The following TTC27 variants were observed in gnomAD, a reference collection of about 807,000 sequenced individuals.
The protein encoded by TTC27 is tetratricopeptide repeat protein 27.
A neutral mutation model predicts 115.9 loss-of-function variants in TTC27; 79 were observed. That is an observed-to-expected ratio of 0.68 (90% CI 0.57 to 0.82). The LOEUF is 0.82. TTC27 is among the 40% of genes least tolerant of loss of function. The pLI, the probability that TTC27 is intolerant of heterozygous loss-of-function variation, is 0.00. For missense variants in TTC27, 1,054 were observed against 993.1 expected (o/e 1.06, Z -0.82); for synonymous variants, 401 against 356.0 (o/e 1.13, Z -1.42).
rs150408695 is a variant in TTC27 at position 32,746,527 on chromosome 2, C to T, written c.1452+9711C>T. On this transcript the variant is annotated intron_variant, in intron 12 of 19. Transcript: ENST00000317907. ...GCAGTGAGCTGAGATTGTACCATTG[C>T]ACTCCAGCCTTGGCAATAAGAGTGA... Among the ~76,000 whole-genome samples, 1,013 of 113,592 alleles carry T rather than the reference C, an allele frequency of 8.9e-3. 12 individuals carry two copies. The highest frequency in any genetic ancestry group is 0.031 in the African/African-American group (950 of 30,364). 74.5% of individuals were successfully genotyped at this position (113,592 alleles called of 152,430 possible). A position where few individuals can be genotyped will look rare whatever the true frequency, so the allele number is the denominator to read the frequency against.
chr2:32,681,701 C>T lies in TTC27; in HGVS notation c.1119+2779C>T, dbSNP rs191723320. On this transcript the variant is annotated intron_variant, in intron 9 of 19. Transcript: ENST00000317907. ...CTCAGTGTTAGATGATGTTTCCCAACTGTAGGCTAACGTATTTAAGGCAGG... is the reference window on the plus strand; with the variant it reads ...CTCAGTGTTAGATGATGTTTCCCAATTGTAGGCTAACGTATTTAAGGCAGG... Among the ~76,000 whole-genome samples, 13 of 146,086 alleles carry T rather than the reference C, an allele frequency of 8.9e-5. No individual in the cohort carries two copies. In the East Asian group the frequency reaches 2.4e-3, roughly 27 times the overall value.
At chr2:32,660,324 A>C (rs35631152) in intron 5 of TTC27, among the ~76,000 whole-genome samples, 1 of 152,010 alleles carries the variant, frequency 6.6e-6, no homozygotes, top group African/African-American at 2.4e-5. Flanking sequence ...TTGTTGAGAA[A>C]TGTCTGCTCA....
At chr2:32,819,366 G>T (rs1671607838) in intron 19 of TTC27, among the ~76,000 whole-genome samples, 1 of 152,088 alleles carries the variant, frequency 6.6e-6, no homozygotes, top group South Asian at 2.1e-4. Flanking sequence ...TTACCTCCCA[G>T]TGCCTCCTCT....
chr2:32,736,176 G>A (rs1437704500), intron 11 of TTC27, among the ~76,000 whole-genome samples: 2 of 151,772 alleles, frequency 1.3e-5, no homozygotes, highest in African/African-American at 2.4e-5. Context: ...TTTTTTATCT[G>A]CCAGGGACTG....
intron 13 of TTC27, among the ~76,000 whole-genome samples, chr2:32,767,889 T>TAGAAAAGAGTCA (rs1558334037): frequency 1.3e-5 from 2 of 152,304 alleles, no homozygotes; most frequent in South Asian, 4.1e-4. Context: ...TTGTGTCCCC[T>TAGAAAAGAGTCA]AGAAAAGAGT....
At chr2:32,778,229 G>A (rs1022096171) in intron 14 of TTC27, among the ~76,000 whole-genome samples, 3 of 152,142 alleles carry the variant, frequency 2.0e-5, no homozygotes, top group African/African-American at 7.2e-5. Context: ...GTATAGCAAA[G>A]TATCATATAT....
chr2:32,696,414 C>T (rs1028409049), intron 9 of TTC27, among the ~76,000 whole-genome samples: 1 of 151,812 alleles, frequency 6.6e-6, no homozygotes, highest in Admixed American at 6.6e-5. Flanking sequence ...CTCAGCCTCC[C>T]GGGTAGCTGG....
chr2:32,663,785 A>G (rs1467300538), intron 5 of TTC27, among the ~76,000 whole-genome samples: 2 of 152,004 alleles, frequency 1.3e-5, no homozygotes, highest in Non-Finnish European at 2.9e-5. Context: ...CTTGGGTTGA[A>G]GCGATTCTCC....
chr2:32,716,691 A>G (rs1667762684), intron 10 of TTC27, among the ~76,000 whole-genome samples: 1 of 151,422 alleles, frequency 6.6e-6, no homozygotes. Flanking sequence ...TTTGTTCTAT[A>G]TGTTTTTTTT....
chr2:32,644,482 C>A (rs1664774587), intron 4 of TTC27, among the ~76,000 whole-genome samples: 1 of 152,098 alleles, frequency 6.6e-6, no homozygotes, highest in Admixed American at 6.6e-5. Context: ...AGGCAAGTTA[C>A]CTTAATTTCT....
chr2:32,766,607 G>A, intron 13 of TTC27: 1 of 182,756 alleles, frequency 5.5e-6, no homozygotes. Flanking sequence ...AATTGCAATA[G>A]TAGCATCAAA....
At position 32,787,058 on chromosome 2, in the gene TTC27, T is replaced by C. The variant is rs763785757; in HGVS notation, c.1907T>C (p.Ile636Thr). Residue 636 changes from isoleucine to threonine, a missense_variant, in exon 16 of 20, where the codon ATC becomes ACC. Ile to Thr is a moderately conservative substitution (Grantham distance 89). Coordinates refer to ENST00000317907, the MANE Select transcript of TTC27 (RefSeq NM_017735.5). Reference sequence around the variant, plus strand: ...CACTGGCAGATTTGGGAAAACTACATCCTCACCAGCACTGACGTTGGGGAA... The same window carrying C: ...CACTGGCAGATTTGGGAAAACTACACCCTCACCAGCACTGACGTTGGGGAA... ...YEHWQIWENY[I>T]LTSTDVGEFS... 8.7e-6 allele frequency: 14 copies of C among 1,614,090 alleles called. No homozygotes were observed. The Admixed American group carries it at 1.8e-4, about 21-fold the overall frequency.
Position 32,672,254 on chromosome 2 carries a change from T to G in TTC27, c.940-18T>G. 1.3e-6 allele frequency: 2 copies of G among 1,587,124 alleles called. No individual in the cohort carries two copies. The highest frequency in any genetic ancestry group is 1.7e-6 in the Non-Finnish European group (2 of 1,158,548). ...AATTTAATTTTTGGTCTAAGTATTT[T>G]CTTTTGTATTCTACTAGAATCTTGA... is the stretch of plus-strand genomic sequence containing the variant. On this transcript the variant is annotated intron_variant, in intron 7 of 19. Transcript: ENST00000317907.
At chr2:32,803,064 C>T (rs952204738) in intron 16 of TTC27, among the ~76,000 whole-genome samples, 6 of 152,214 alleles carry the variant, frequency 3.9e-5, no homozygotes, top group African/African-American at 1.4e-4. Flanking sequence ...AACGTGTGAC[C>T]TTCCTGGTGA....
At chr2:32,810,211 G>A (rs1464868031) in intron 16 of TTC27, among the ~76,000 whole-genome samples, 2 of 152,088 alleles carry the variant, frequency 1.3e-5, no homozygotes, top group African/African-American at 4.8e-5. Flanking sequence ...TGCATTAACG[G>A]TTCATCATTT....
In TTC27 at chr2:32,650,178, G is replaced by A. The variant is rs1294899662; in HGVS notation, c.585G>A (p.Leu195=). The A allele has an allele frequency of 6.2e-7, 1 of 1,613,724 alleles. No individual in the cohort carries two copies. The highest frequency in any genetic ancestry group is 8.5e-7 in the Non-Finnish European group (1 of 1,179,878). Reference sequence around the variant, plus strand: ...GATGTGTGAATATTCATCAGCATTTGCTTGAGGAACGCTCACCTCTGCTTT... The same window carrying A: ...GATGTGTGAATATTCATCAGCATTTACTTGAGGAACGCTCACCTCTGCTTT... The part of the protein sequence containing the change: ...TLRCVNIHQH[L]LEERSPLLFT... The change falls in exon 5 of 20, where the codon TTG becomes TTA. Residue 195 remains leucine, a synonymous_variant. Coordinates refer to ENST00000317907, the MANE Select transcript of TTC27 (RefSeq NM_017735.5).
At chr2:32,811,658 G>A (rs1370118850) in intron 17 of TTC27, among the ~76,000 whole-genome samples, 1 of 152,192 alleles carries the variant, frequency 6.6e-6, no homozygotes, top group Non-Finnish European at 1.5e-5. Flanking sequence ...TCTTGGAAGA[G>A]AACTTTTAAG....
chr2:32,670,605 G>GT (rs199561705), intron 7 of TTC27, among the ~76,000 whole-genome samples: 7,862 of 147,994 alleles, frequency 0.053, 247 homozygotes, highest in African/African-American at 0.086. Flanking sequence ...GTGAACGTAA[G>GT]TTTTTTTTTT....
At chr2:32,683,120 G>A (rs1271505824) in intron 9 of TTC27, among the ~76,000 whole-genome samples, 1 of 151,968 alleles carries the variant, frequency 6.6e-6, no homozygotes, top group African/African-American at 2.4e-5. Flanking sequence ...CTCCCAAAGT[G>A]CTGGGATTAC....
Sources: allele counts gnomAD v4.1 joint callset (sites outside exome capture counted in the v4.1 genomes callset), GRCh38; gene constraint gnomAD v4.1.1; transcripts MANE v1.5; gene names NCBI Gene and HGNC (gene_info 2026-07-23, HGNC 2026-07-21).